The following SYNE2 variants were observed in gnomAD, a reference collection of about 807,000 sequenced individuals.
SYNE2 encodes the protein nesprin-2.
Under a neutral mutation model 856.3 loss-of-function variants are expected in SYNE2, and 431 were observed. The ratio of observed to expected loss-of-function variants is 0.50; its 90% confidence interval spans 0.47 to 0.55. The LOEUF (loss-of-function observed/expected upper bound fraction) is 0.55, where lower values mean the gene tolerates loss of function less well. Among genes scored for constraint, SYNE2 ranks in the 20% least tolerant of loss-of-function variants. The pLI is 0.00. For synonymous variants in SYNE2, 2,923 were observed against 2,872.3 expected (o/e 1.02, Z -0.56); for missense variants, 8,129 against 8,023.2 (o/e 1.01, Z -0.50).
intron 52 of SYNE2, 91 bp from the exon 53 acceptor site, chr14:64,073,877 G>A: frequency 7.3e-7 from 1 of 1,378,800 alleles, no homozygotes; most frequent in Non-Finnish European, 1.0e-6. Context: ...AGCTATTCAG[G>A]CATTTCATTA....
At chr14:63,847,031 A>G (rs1890248142) in intron 1 of SYNE2, among the ~76,000 whole-genome samples, 1 of 151,572 alleles carries the variant, frequency 6.6e-6, no homozygotes, top group Non-Finnish European at 1.5e-5. Context: ...CGTGTTGCCC[A>G]GGTTGGTCTT....
intron 98 of SYNE2, 129 bp from the exon 99 acceptor site, chr14:64,189,942 T>C: frequency 9.8e-7 from 1 of 1,021,124 alleles, no homozygotes; most frequent in South Asian, 1.5e-5. Context: ...GGATTATTGG[T>C]ATGAGCCACT....
chr14:64,093,547 A>G lies in SYNE2; in HGVS notation c.12108+67A>G, dbSNP rs1053164255. 8 of 1,591,292 alleles carry G rather than the reference A, an allele frequency of 5.0e-6. No homozygotes were observed. In the African/African-American group the frequency reaches 8.1e-5, roughly 16 times the overall value. Reference sequence around the variant, plus strand: ...TCAGTGCATTTATTTAATACTTACTAAGCCTTTGGTGTCTAGGAGCCTTTC... The same window carrying G: ...TCAGTGCATTTATTTAATACTTACTGAGCCTTTGGTGTCTAGGAGCCTTTC... On this transcript the variant is annotated intron_variant, in intron 61 of 115. Transcript: ENST00000555002.
At chr14:63,928,932 T>C (rs2095707986) in intron 2 of SYNE2, among the ~76,000 whole-genome samples, 1 of 152,166 alleles carries the variant, frequency 6.6e-6, no homozygotes, top group Non-Finnish European at 1.5e-5. Context: ...TAATAAGAAA[T>C]ATATATTTGG....
chr14:64,121,382 G>A (rs557659032), intron 68 of SYNE2, among the ~76,000 whole-genome samples: 1 of 152,114 alleles, frequency 6.6e-6, no homozygotes, highest in Non-Finnish European at 1.5e-5. Context: ...AATGAGCCAG[G>A]CATGGTGGTG....
At chr14:64,212,229 C>T in intron 104 of SYNE2, 131 bp downstream of exon 104, 1 of 1,400,930 alleles carries the variant, frequency 7.1e-7, no homozygotes. Context: ...GGCTACATCC[C>T]ACCTGTGTAC....
intron 1 of SYNE2, among the ~76,000 whole-genome samples, chr14:63,904,573 A>T (rs1433447486): frequency 6.6e-6 from 1 of 152,012 alleles, no homozygotes; most frequent in Non-Finnish European, 1.5e-5. Context: ...ATAATTAGTG[A>T]TGATAAGCAT....
chr14:64,145,924 A>G (rs1213333565), intron 83 of SYNE2, 144 bp from the exon 84 acceptor site: 4 of 538,276 alleles, frequency 7.4e-6, no homozygotes, highest in Non-Finnish European at 1.2e-5. Flanking sequence ...TTGAATCTTT[A>G]TTCAAAAGTT....
chr14:64,123,119 T>A (rs1266991756), intron 70 of SYNE2, among the ~76,000 whole-genome samples: 2 of 151,954 alleles, frequency 1.3e-5, no homozygotes, highest in Non-Finnish European at 2.9e-5. Flanking sequence ...AAAAACACTT[T>A]AAAAACTATA....
At chr14:63,977,780 T>G in intron 12 of SYNE2, 125 bp from the exon 13 acceptor site, 1 of 703,238 alleles carries the variant, frequency 1.4e-6, no homozygotes, top group Non-Finnish European at 2.5e-6. Context: ...AAAAAAAAGG[T>G]GGGTTGTGGG....
chr14:64,029,709 C>A (rs6573542), intron 43 of SYNE2, among the ~76,000 whole-genome samples, 186 bp from the exon 44 acceptor site: 1 of 152,248 alleles, frequency 6.6e-6, no homozygotes, highest in South Asian at 2.1e-4. Context: ...CATTTTTTTG[C>A]GGGGGAGATG....
intron 8 of SYNE2, among the ~76,000 whole-genome samples, chr14:63,959,285 T>C (rs2096278612): frequency 6.9e-6 from 1 of 144,880 alleles, no homozygotes; most frequent in Admixed American, 7.0e-5. Flanking sequence ...TCTTTTCTTC[T>C]TCTTTTTTTT....
At chr14:64,080,331 C>A in intron 55 of SYNE2, 125 bp from the exon 56 acceptor site, 1 of 987,014 alleles carries the variant, frequency 1.0e-6, no homozygotes, top group Non-Finnish European at 1.6e-6. Flanking sequence ...AACAACTGTT[C>A]ATGTGATGTT....
intron 90 of SYNE2, among the ~76,000 whole-genome samples, chr14:64,166,063 AAGTTT>A (rs763438306): frequency 3.3e-5 from 5 of 152,224 alleles, no homozygotes; most frequent in Non-Finnish European, 5.9e-5. Context: ...TTACCTTCGT[AAGTTT>A]AGTTTAGTAA....
chr14:63,987,252 C>T (rs2096633695), intron 19 of SYNE2, among the ~76,000 whole-genome samples: 1 of 150,678 alleles, frequency 6.6e-6, no homozygotes, highest in Admixed American at 6.6e-5. Flanking sequence ...GAGACTCCTT[C>T]TGGGAAAAAA....
rs1486936006 is a variant in SYNE2 at position 64,056,261 on chromosome 14, A to G, written c.10062A>G (p.Ala3354=). ...KEAFKAQETE[A]ERYLENYKCY... is the part of the protein sequence containing the mutation. ...CTTTCAAAGCACAGGAAACTGAGGC[A>G]GAAAGGTAGGTCCTCTTCCAAAGGT... The change falls in exon 49 of 116, where the codon GCA becomes GCG. Residue 3354 remains alanine, a synonymous_variant. Coordinates refer to ENST00000555002, the MANE Select transcript of SYNE2 (RefSeq NM_182914.3). 6.2e-7 allele frequency: 1 copy of G among 1,613,846 alleles called. No homozygotes were observed. The highest frequency in any genetic ancestry group is 1.7e-5 in the Admixed American group (1 of 60,012).
At chr14:63,886,064 C>A (rs1203562209) in intron 1 of SYNE2, among the ~76,000 whole-genome samples, 1 of 152,142 alleles carries the variant, frequency 6.6e-6, no homozygotes, top group African/African-American at 2.4e-5. Flanking sequence ...TGAGCCCTAC[C>A]CCACCTGTGT....
At chr14:64,224,054 A>G (rs1368790739) in intron 113 of SYNE2, among the ~76,000 whole-genome samples, 2 of 151,962 alleles carry the variant, frequency 1.3e-5, no homozygotes, top group African/African-American at 4.8e-5. Context: ...CCCTTCAGGA[A>G]AGATTTAAGG....
At chr14:63,767,381 A>G (rs1238034314) in intron 1 of SYNE2, among the ~76,000 whole-genome samples, 1 of 152,116 alleles carries the variant, frequency 6.6e-6, no homozygotes, top group East Asian at 1.9e-4. Flanking sequence ...AAGTGCTGGG[A>G]TTACAGGCAT....
Sources: allele counts gnomAD v4.1 joint callset (sites outside exome capture counted in the v4.1 genomes callset), GRCh38; gene constraint gnomAD v4.1.1; transcripts MANE v1.5; gene names NCBI Gene and HGNC (gene_info 2026-07-23, HGNC 2026-07-21).